Variants in IHO1 observed in about 807,000 individuals in gnomAD.
IHO1 encodes the protein interactor of HORMAD1 protein 1.
In IHO1, 13 loss-of-function variants were observed where a neutral mutation model predicts 31.0. The observed-to-expected ratio is 0.42, with a 90% CI of 0.27 to 0.67. The LOEUF is 0.67. Among genes scored for constraint, IHO1 ranks in the 30% least tolerant of loss-of-function variants. IHO1 has a pLI of 0.24. For synonymous variants in IHO1, 221 were observed against 248.4 expected (o/e 0.89, Z 1.04); for missense variants, 599 against 687.5 (o/e 0.87, Z 1.44).
At chr3:49,255,553 AG>A in intron 7 of IHO1, 60 bp downstream of exon 7, 1 of 860,158 alleles carries the variant, frequency 1.2e-6, no homozygotes, top group Non-Finnish European at 1.7e-6. Context: ...AGACCCAGAG[AG>A]AAACTTTTTT....
intron 6 of IHO1, among the ~76,000 whole-genome samples, chr3:49,253,707 G>C (rs1403536560): frequency 6.6e-6 from 1 of 151,922 alleles, no homozygotes; most frequent in East Asian, 1.9e-4. Flanking sequence ...CAGTTACATG[G>C]TCTCAAGCAC....
intron 4 of IHO1, among the ~76,000 whole-genome samples, chr3:49,242,786 C>T (rs2046646726): frequency 6.6e-6 from 1 of 151,996 alleles, no homozygotes; most frequent in Non-Finnish European, 1.5e-5. Context: ...GCCTGGGAGA[C>T]AAGAGTGAAA....
intron 2 of IHO1, chr3:49,228,419 T>C (rs2046440683): frequency 2.5e-6 from 1 of 405,712 alleles, no homozygotes; most frequent in African/African-American, 2.1e-5. Context: ...CACTTTTAAC[T>C]GGCCGACAGG....
chr3:49,242,740 G>T (rs968701728), intron 4 of IHO1, among the ~76,000 whole-genome samples: 2 of 152,064 alleles, frequency 1.3e-5, no homozygotes, highest in African/African-American at 4.8e-5. Flanking sequence ...AGGAGGCGGA[G>T]GTTGCAGGGA....
chr3:49,233,889 A>G (rs921153596), intron 2 of IHO1, among the ~76,000 whole-genome samples: 1 of 152,224 alleles, frequency 6.6e-6, no homozygotes, highest in Non-Finnish European at 1.5e-5. Flanking sequence ...ACCACAAACA[A>G]TAGCATGAGC....
chr3:49,242,863 G>A (rs756896059), intron 4 of IHO1, among the ~76,000 whole-genome samples: 34 of 152,088 alleles, frequency 2.2e-4, no homozygotes, highest in East Asian at 3.9e-4. Flanking sequence ...GCATGAAATC[G>A]TTTAAATTTT....
intron 3 of IHO1, among the ~76,000 whole-genome samples, chr3:49,238,439 T>G (rs1289461239): frequency 6.6e-6 from 1 of 152,166 alleles, no homozygotes; most frequent in Non-Finnish European, 1.5e-5. Context: ...GCTCAGCGGA[T>G]TCGCATCCAA....
rs12715434 is a variant in IHO1 at position 49,257,592 on chromosome 3, G to C, written c.*310G>C. The stretch of plus-strand genomic sequence containing the variant: ...CTGTACTTTGGCGAAAGGCAGGCAG[G>C]CCTCCTTATGGAATACTGTGTAGCA... On this transcript the variant is annotated 3_prime_UTR_variant, in exon 8 of 8. Transcript: ENST00000452691. The C allele has an allele frequency of 0.096, 29,589 of 308,266 alleles. 1,643 individuals carry two copies. The highest frequency in any genetic ancestry group is 0.1 in the Non-Finnish European group (17,008 of 163,354). The allele number at this position is 308,266 out of a possible 1,614,324, so 19.1% of individuals were successfully genotyped here.
chr3:49,203,299 G>A (rs1187462904), intron 1 of IHO1, among the ~76,000 whole-genome samples: 2 of 152,156 alleles, frequency 1.3e-5, no homozygotes, highest in East Asian at 1.9e-4. Context: ...GCCCAGCAAG[G>A]GAAAACAACA....
intron 1 of IHO1, among the ~76,000 whole-genome samples, chr3:49,202,495 T>TTGTGTGTGTGTGTGTG (rs113425200): frequency 3.1e-5 from 4 of 129,930 alleles, no homozygotes; most frequent in African/African-American, 6.3e-5. Flanking sequence ...CCGGCTAATT[T>TTGTGTGTGTGTGTGTG]TGTGTGTGTG....
At chr3:49,236,997 C>T (rs1469960974) in intron 3 of IHO1, among the ~76,000 whole-genome samples, 2 of 151,678 alleles carry the variant, frequency 1.3e-5, no homozygotes, top group Admixed American at 1.3e-4. Flanking sequence ...GCTGCAGTGA[C>T]CCATGATTCT....
chr3:49,251,264 G>A (rs1397771832), intron 6 of IHO1, among the ~76,000 whole-genome samples: 1 of 149,114 alleles, frequency 6.7e-6, no homozygotes, highest in Non-Finnish European at 1.5e-5. Flanking sequence ...GGGACTACAG[G>A]CACATGCCAC....
intron 2 of IHO1, among the ~76,000 whole-genome samples, chr3:49,214,606 T>TCATATATATATATATATATACA (rs199698928): frequency 2.0e-5 from 1 of 49,512 alleles, no homozygotes; most frequent in Non-Finnish European, 4.0e-5. Flanking sequence ...TATTTCTAGA[T>TCATATATATATATATATATACA]CATATATATA....
intron 2 of IHO1, among the ~76,000 whole-genome samples, chr3:49,233,776 A>G (rs2046511867): frequency 6.6e-6 from 1 of 152,248 alleles, no homozygotes; most frequent in Non-Finnish European, 1.5e-5. Context: ...TGACATGTTC[A>G]TTATGGCCAT....
intron 2 of IHO1, among the ~76,000 whole-genome samples, chr3:49,229,378 A>G (rs2046455966): frequency 1.3e-5 from 2 of 152,338 alleles, no homozygotes; most frequent in South Asian, 4.1e-4. Flanking sequence ...TCTACTTTAA[A>G]TTTAAAAGGA....
chr3:49,256,504 T>G lies in IHO1; in HGVS notation c.1007T>G (p.Leu336Arg). Residue 336 changes from leucine to arginine, a missense_variant, in exon 8 of 8, where the codon CTG becomes CGG. Transcript: ENST00000452691. The surrounding 1 kb of genome is among the most constrained non-coding windows in gnomAD (Gnocchi z 4.6). ...KNDDLQEEAA[L>R]PAFGSHERNR... ...GATGATCTCCAAGAAGAGGCTGCAC[T>G]GCCAGCATTTGGGTCCCATGAAAGA... 6.2e-7 allele frequency: 1 copy of G among 1,614,182 alleles called. No individual in the cohort carries two copies. Among genetic ancestry groups the G allele is most frequent in the Non-Finnish European group, 8.5e-7 (1 of 1,180,036 alleles).
chr3:49,256,843 A>C lies in IHO1; in HGVS notation c.1346A>C (p.His449Pro). Residue 449 changes from histidine (H) to proline (P), a missense_variant, in exon 8 of 8, where the codon CAC (histidine) becomes CCC (proline). His to Pro is a moderately conservative substitution (Grantham distance 77). Coordinates refer to ENST00000452691, the MANE Select transcript of IHO1 (RefSeq NM_001135197.2). The surrounding 1 kb of genome is among the most constrained non-coding windows in gnomAD (Gnocchi z 4.6). ...AAGAAGCAGCAGCCCAGGAAGGCCC[A>C]CAGGGCCCACAGAGGCAGGCTCATA... ...KDKKQQPRKA[H>P]RAHRGRLIAS... The C allele has an allele frequency of 1.2e-6, 2 of 1,614,178 alleles. No homozygotes were observed. The highest frequency in any genetic ancestry group is 1.7e-6 in the Non-Finnish European group (2 of 1,179,974).
chr3:49,223,562 G>T (rs2046380787), intron 2 of IHO1, among the ~76,000 whole-genome samples: 1 of 152,058 alleles, frequency 6.6e-6, no homozygotes, highest in Non-Finnish European at 1.5e-5. Flanking sequence ...GTGGTCGTGG[G>T]CACCTATAGT....
At chr3:49,232,644 A>C (rs548235022) in intron 2 of IHO1, among the ~76,000 whole-genome samples, 1 of 152,328 alleles carries the variant, frequency 6.6e-6, no homozygotes, top group South Asian at 2.1e-4. Flanking sequence ...GATGCTGAGG[A>C]GAACCCCAAC....
Sources: allele counts gnomAD v4.1 joint callset (sites outside exome capture counted in the v4.1 genomes callset), GRCh38; gene constraint gnomAD v4.1.1; non-coding constraint Gnocchi (gnomAD v3.1); transcripts MANE v1.5; gene names NCBI Gene and HGNC (gene_info 2026-07-23, HGNC 2026-07-21).